Variants in STK10 observed in about 807,000 individuals in gnomAD.
STK10 encodes serine/threonine kinase 10.
Under a neutral mutation model 113.8 loss-of-function variants are expected in STK10, and 78 were observed. That is an observed-to-expected ratio of 0.69 (90% CI 0.57 to 0.83). The LOEUF (loss-of-function observed/expected upper bound fraction) is 0.83. STK10 is among the 40% of genes least tolerant of loss of function. The pLI is 0.00. For synonymous variants in STK10, 465 were observed against 494.7 expected, an observed-to-expected ratio of 0.94 and a Z score of 0.80; for missense variants, 1,109 against 1,280.1, an observed-to-expected ratio of 0.87 and a Z score of 2.04.
intron 1 of STK10, among the ~76,000 whole-genome samples, chr5:172,172,550 G>GT (rs1212591418): frequency 6.6e-6 from 1 of 152,230 alleles, no homozygotes. Context: ...ATGTCCCACT[G>GT]TGAGAGGCAC....
intron 2 of STK10, among the ~76,000 whole-genome samples, chr5:172,154,295 T>G (rs1245801695): frequency 1.3e-5 from 2 of 152,174 alleles, no homozygotes. Flanking sequence ...CAGTAAAAGA[T>G]GGAGGGATAA....
intron 8 of STK10, 151 bp downstream of exon 8, chr5:172,096,275 G>C: frequency 7.8e-7 from 1 of 1,287,516 alleles, no homozygotes; most frequent in East Asian, 2.5e-5. Flanking sequence ...GCCATCTTAC[G>C]TTACCTGCAG....
chr5:172,108,104 A>T (rs985654797), intron 4 of STK10: 6 of 394,254 alleles, frequency 1.5e-5, no homozygotes, highest in African/African-American at 1.0e-4. Flanking sequence ...AAATAGCAAG[A>T]ACCTTTAAAA....
At chr5:172,127,651 A>G (rs559315902) in intron 2 of STK10, among the ~76,000 whole-genome samples, 112 of 152,288 alleles carry the variant, frequency 7.4e-4, no homozygotes, top group African/African-American at 2.6e-3. Flanking sequence ...CATTTTCTGA[A>G]GAAGGAAAAC....
intron 1 of STK10, among the ~76,000 whole-genome samples, chr5:172,174,690 C>A (rs1408985150): frequency 6.6e-6 from 1 of 152,118 alleles, no homozygotes. Context: ...GTGGTCGGGA[C>A]AGGCCTCTCT....
chr5:172,180,373 G>A (rs946269012), intron 1 of STK10, among the ~76,000 whole-genome samples: 1 of 152,208 alleles, frequency 6.6e-6, no homozygotes, highest in Non-Finnish European at 1.5e-5. Context: ...GCCAAGGCAG[G>A]AGAATCACTT....
At position 172,087,670 on chromosome 5, in the gene STK10, G is replaced by A. The variant is rs1354606428; in HGVS notation, c.1685+2562C>T. ...GGAGTCTCGCTCTGTCGCCCAGGCC[G>A]GACTGCGGACTGCAGTGGCGCAATC... On this transcript the variant is annotated intron_variant, in intron 10 of 18. Transcript: ENST00000176763. 7.3e-5 allele frequency among the ~76,000 whole-genome samples: 7 copies of A among 95,622 alleles called. 2 individuals are homozygous for A. Among genetic ancestry groups the A allele is most frequent in the Non-Finnish European group, 1.1e-4 (5 of 46,066 alleles). The allele number at this position is 95,622 out of a possible 152,430, so 62.7% of individuals were successfully genotyped here.
rs756710970 is a variant in STK10, at chr5:172,156,770, C to A, written c.175G>T (p.Gly59Cys). 1.9e-6 allele frequency: 3 copies of A among 1,613,898 alleles called. No homozygotes were observed. In the South Asian group the frequency reaches 3.3e-5, roughly 18 times the overall value. ...ATGACTTTGGCCGCAGCCAAAGCACCCGTCTCCTTATTCTTGGCCTGCAAA... is the reference window on the plus strand; with the variant it reads ...ATGACTTTGGCCGCAGCCAAAGCACACGTCTCCTTATTCTTGGCCTGCAAA... ...KVYKAKNKETGALAAAKVIET... is the reference protein window; with the variant it reads ...KVYKAKNKETCALAAAKVIET... The change falls in exon 2 of 19, where the codon GGT (glycine) becomes TGT (cysteine). Residue 59 changes from glycine (G) to cysteine (C), a missense_variant. Gly to Cys is a radical substitution (Grantham distance 159). This residue lies in a region of STK10 where 120 missense variants were observed against 134.8 expected (regional missense o/e 0.89). Transcript: ENST00000176763.
intron 1 of STK10, among the ~76,000 whole-genome samples, chr5:172,162,085 A>G (rs1770482697): frequency 6.6e-6 from 1 of 152,202 alleles, no homozygotes; most frequent in Non-Finnish European, 1.5e-5. Context: ...TCACGATTGT[A>G]ATCCCAGCAC....
In STK10 at chr5:172,064,782, G is replaced by C; in HGVS notation, c.2020C>G (p.Gln674Glu). The C allele has an allele frequency of 6.2e-7, 1 of 1,613,966 alleles. No individual in the cohort carries two copies. Among genetic ancestry groups the C allele is most frequent in the Non-Finnish European group, 8.5e-7 (1 of 1,179,980 alleles). ...TGCTTCATGCTTTCCTTCCGCTGCT[G>C]TCGGGGGAGCTTCTCCACCTCGTTC... ...VKNEVEKLPR[Q>E]QRKESMKQKM... Residue 674 changes from glutamine to glutamate, a missense_variant, in exon 13 of 19, where the codon CAG becomes GAG. This residue lies in a region of STK10 where 885 missense variants were observed against 991.1 expected (regional missense o/e 0.89). Transcript: ENST00000176763.
rs146690508 is a variant in STK10, at chr5:172,079,804, C to T, written c.1989+2522G>A. Among the ~76,000 whole-genome samples the T allele has an allele frequency of 1.4e-3, 213 of 152,180 alleles. 2 individuals are homozygous for T. The highest frequency in any genetic ancestry group is 4.9e-3 in the African/African-American group (202 of 41,530). On this transcript the variant is annotated intron_variant, in intron 12 of 18. Transcript: ENST00000176763. Reference sequence around the variant, plus strand: ...TTCGAACTCCTGACCTCAAGTGATCCGCCCGCCTGGGCCTCCCAAAGTGCT... The same window carrying T: ...TTCGAACTCCTGACCTCAAGTGATCTGCCCGCCTGGGCCTCCCAAAGTGCT...
chr5:172,096,943 T>C, intron 7 of STK10, among the ~76,000 whole-genome samples: 1 of 152,268 alleles, frequency 6.6e-6, no homozygotes, highest in East Asian at 1.9e-4. Context: ...GTGTCTATTT[T>C]CCTTTTTAAA....
intron 2 of STK10, among the ~76,000 whole-genome samples, chr5:172,136,829 A>T (rs1326422870): frequency 2.0e-5 from 3 of 147,250 alleles, no homozygotes; most frequent in South Asian, 2.2e-4. Context: ...ATTATTATCT[A>T]TTTTTTTTTT....
chr5:172,103,415 G>A (rs1581157450), intron 7 of STK10, among the ~76,000 whole-genome samples: 1 of 152,320 alleles, frequency 6.6e-6, no homozygotes, highest in Non-Finnish European at 1.5e-5. Context: ...AGTATGGAGC[G>A]GAAATTCCTG....
Position 172,043,106 on chromosome 5 carries a change from T to C in STK10, c.*1776A>G, listed in dbSNP as rs1767413503. The C allele has an allele frequency of 1.3e-5, 2 of 151,598 alleles. No homozygotes were observed. The highest frequency in any genetic ancestry group is 4.9e-5 in the African/African-American group (2 of 41,220). 9.4% of individuals were successfully genotyped at this position (151,598 alleles called of 1,614,324 possible). On this transcript the variant is annotated 3_prime_UTR_variant, in exon 19 of 19. Coordinates refer to ENST00000176763, the MANE Select transcript of STK10 (RefSeq NM_005990.4). ...TCTCAAAGAATTTTTTTTTTTTTTT[T>C]TTTTGAGAGACAGAGTCTCGCCCTG...
intron 2 of STK10, among the ~76,000 whole-genome samples, chr5:172,148,111 T>G (rs963932671): frequency 5.9e-5 from 9 of 152,122 alleles, no homozygotes; most frequent in Non-Finnish European, 1.3e-4. Flanking sequence ...ACTGCTACTG[T>G]CTGCCAGCTG....
At chr5:172,071,772 T>C (rs73319823) in intron 12 of STK10, among the ~76,000 whole-genome samples, 28,650 of 152,034 alleles carry the variant, frequency 0.19, 2,950 homozygotes, top group East Asian at 0.35. Flanking sequence ...CCACTCTGAA[T>C]TCTCTCTCTC....
intron 10 of STK10, among the ~76,000 whole-genome samples, chr5:172,088,200 G>T (rs1768614148): frequency 6.6e-6 from 1 of 152,078 alleles, no homozygotes; most frequent in African/African-American, 2.4e-5. Flanking sequence ...GTGTGCTGCT[G>T]TGCCCAGCTG....
chr5:172,096,386 C>T, intron 8 of STK10, 40 bp downstream of exon 8: 1 of 1,602,680 alleles, frequency 6.2e-7, no homozygotes, highest in Middle Eastern at 1.7e-4. Context: ...GAGATCCTGT[C>T]CTCCCAGCCC....
Sources: allele counts gnomAD v4.1 joint callset (sites outside exome capture counted in the v4.1 genomes callset), GRCh38; gene constraint gnomAD v4.1.1; regional missense constraint gnomAD v4.1.1; transcripts MANE v1.5; gene names NCBI Gene and HGNC (gene_info 2026-07-23, HGNC 2026-07-21).